The following NYAP2 variants were observed in gnomAD, a reference collection of about 807,000 sequenced individuals.
NYAP2 encodes the protein neuronal tyrosine-phosphorylated phosphoinositide-3-kinase adaptor 2, also known as neuronal tyrosine-phosphorylated phosphoinositide-3-kinase adapter 2.
Under a neutral mutation model 50.4 loss-of-function variants are expected in NYAP2, and 23 were observed. That is an observed-to-expected ratio of 0.46 (90% CI 0.33 to 0.65). The LOEUF (loss-of-function observed/expected upper bound fraction) is 0.65, where lower values mean the gene tolerates loss of function less well. Ranked by LOEUF, NYAP2 falls within the 30% of genes least tolerant of loss-of-function variation. The probability of loss-of-function intolerance (pLI) is 0.02; values close to 1 mark genes in which losing one functional copy is unlikely to be tolerated. For synonymous variants in NYAP2, 394 were observed against 365.2 expected, an observed-to-expected ratio of 1.08 and a Z score of -0.90; for missense variants, 885 against 861.0, an observed-to-expected ratio of 1.03 and a Z score of -0.35.
intron 3 of NYAP2, among the ~76,000 whole-genome samples, chr2:225,420,727 C>T (rs1298421080): frequency 6.6e-6 from 1 of 151,892 alleles, no homozygotes; most frequent in Admixed American, 6.6e-5. Context: ...TCTCCCACCT[C>T]AGCCTCTGGA....
At chr2:225,613,747 A>G (rs1046240094) in intron 5 of NYAP2, among the ~76,000 whole-genome samples, 3 of 152,270 alleles carry the variant, frequency 2.0e-5, no homozygotes, top group East Asian at 3.9e-4. Context: ...ATAGGCAGGG[A>G]AAAACATTAA....
chr2:225,682,900 T>A, the NYAP2 span, among the ~76,000 whole-genome samples: 14 of 152,138 alleles, frequency 9.2e-5, no homozygotes, highest in Non-Finnish European at 1.5e-5. Flanking sequence ...CAGATGAAGT[T>A]ATGTAGACTT....
At chr2:225,525,692 A>G (rs1159226628) in intron 4 of NYAP2, among the ~76,000 whole-genome samples, 1 of 152,146 alleles carries the variant, frequency 6.6e-6, no homozygotes, top group Non-Finnish European at 1.5e-5. Context: ...TATTTGAATG[A>G]TGGGTACAAC....
chr2:225,600,249 A>C (rs970582435), intron 5 of NYAP2, among the ~76,000 whole-genome samples: 1 of 150,796 alleles, frequency 6.6e-6, no homozygotes, highest in East Asian at 1.9e-4. Flanking sequence ...CCACAAGATC[A>C]AATGAGCCAG....
chr2:225,667,931 A>G, the NYAP2 span, among the ~76,000 whole-genome samples: 31 of 152,186 alleles, frequency 2.0e-4, no homozygotes, highest in Non-Finnish European at 4.3e-4. Context: ...CCTAAGACCG[A>G]GTGTATTCTT....
At chr2:225,552,276 G>T (rs762489372) in intron 4 of NYAP2, among the ~76,000 whole-genome samples, 4 of 152,090 alleles carry the variant, frequency 2.6e-5, no homozygotes, top group Admixed American at 6.5e-5. Flanking sequence ...CTTGCCACTT[G>T]AACACATAGA....
intron 4 of NYAP2, among the ~76,000 whole-genome samples, chr2:225,549,988 A>AAAAT (rs893753051): frequency 1.9e-4 from 29 of 152,084 alleles, no homozygotes; most frequent in South Asian, 6.2e-4. Context: ...CTGTCTCAAA[A>AAAAT]AAATAAATAA....
chr2:225,664,699 C>T, the NYAP2 span, among the ~76,000 whole-genome samples: 2 of 146,006 alleles, frequency 1.4e-5, no homozygotes, highest in African/African-American at 4.9e-5. Flanking sequence ...ATGGTGAAAC[C>T]CCGTCTCTAC....
intron 5 of NYAP2, among the ~76,000 whole-genome samples, chr2:225,622,003 C>A (rs1693112408): frequency 6.6e-6 from 1 of 152,146 alleles, no homozygotes; most frequent in South Asian, 2.1e-4. Flanking sequence ...CTTGGATGTA[C>A]AAATACCTGT....
chr2:225,536,267 A>G (rs543356228), intron 4 of NYAP2, among the ~76,000 whole-genome samples: 4 of 152,272 alleles, frequency 2.6e-5, no homozygotes, highest in Non-Finnish European at 5.9e-5. Context: ...GCGCTACCAC[A>G]TGGTAGGCAG....
chr2:225,675,292 C>T, the NYAP2 span, among the ~76,000 whole-genome samples: 1 of 152,146 alleles, frequency 6.6e-6, no homozygotes, highest in South Asian at 2.1e-4. Context: ...ACACCCCCAC[C>T]TCCCTCCCTT....
rs144908938 is a variant in NYAP2 at position 225,490,307 on chromosome 2, T to C, written c.222-23064T>C. 1.3e-3 allele frequency among the ~76,000 whole-genome samples: 202 copies of C among 152,296 alleles called. 1 individual carries two copies. Among genetic ancestry groups the C allele is most frequent in the African/African-American group, 4.5e-3 (188 of 41,574 alleles). ...CAATATTGTCCCAAAGGTATTCCTTTGATTACTTACAACATAAAGACTCTT... is the reference window on the plus strand; with the variant it reads ...CAATATTGTCCCAAAGGTATTCCTTCGATTACTTACAACATAAAGACTCTT... On this transcript the variant is annotated intron_variant, in intron 3 of 6. Transcript: ENST00000636099.
chr2:225,613,013 A>G (rs1044887247), intron 5 of NYAP2, among the ~76,000 whole-genome samples: 1 of 152,152 alleles, frequency 6.6e-6, no homozygotes, highest in Non-Finnish European at 1.5e-5. Flanking sequence ...CTCCAGAGGG[A>G]CAGAACTAGT....
chr2:225,569,440 G>C (rs910354248), intron 4 of NYAP2, among the ~76,000 whole-genome samples: 3 of 144,638 alleles, frequency 2.1e-5, no homozygotes, highest in Non-Finnish European at 2.9e-5. Flanking sequence ...GAGGAGTGAG[G>C]GGGGGAGGTG....
chr2:225,458,286 G>A (rs1384993816), intron 3 of NYAP2, among the ~76,000 whole-genome samples: 4 of 152,138 alleles, frequency 2.6e-5, no homozygotes, highest in African/African-American at 9.7e-5. Flanking sequence ...GGGAGGTTGA[G>A]GCTGAAGTGA....
chr2:225,447,572 T>C (rs1689582702), intron 3 of NYAP2, among the ~76,000 whole-genome samples: 1 of 152,180 alleles, frequency 6.6e-6, no homozygotes. Flanking sequence ...ATAAGAATAA[T>C]GTTGAGTACA....
rs771754012 is a variant in NYAP2 at position 225,582,249 on chromosome 2, G to A, written c.832G>A (p.Asp278Asn). 3 of 1,613,886 alleles carry A rather than the reference G, an allele frequency of 1.9e-6. No individual in the cohort carries two copies. The highest frequency in any genetic ancestry group is 1.7e-6 in the Non-Finnish European group (2 of 1,179,898). The stretch of plus-strand genomic sequence containing the variant: ...GGAAATGAAGTACCCTATCTTTGAC[G>A]ACTTGGGCCAAGACGCCAAATGTGA... The change falls in exon 5 of 7, where the codon GAC (aspartate) becomes AAC (asparagine). Residue 278 changes from aspartate (D) to asparagine (N), a missense_variant. By Grantham distance (23) the Asp-to-Asn change is conservative. Coordinates refer to ENST00000636099, the Ensembl canonical transcript of NYAP2. This position sits in a 1 kb window ranked among gnomAD's most constrained non-coding sequence, Gnocchi z 7.0.
At chr2:225,635,029 G>A (rs1020749661) in intron 6 of NYAP2, among the ~76,000 whole-genome samples, 13 of 152,216 alleles carry the variant, frequency 8.5e-5, no homozygotes, top group Middle Eastern at 3.4e-3. Context: ...CATATTTCCC[G>A]TACTTTACTT....
the NYAP2 span, among the ~76,000 whole-genome samples, chr2:225,691,614 A>G: frequency 6.6e-6 from 1 of 152,102 alleles, no homozygotes; most frequent in African/African-American, 2.4e-5. Context: ...ACATGGGAGA[A>G]GAAGAACATT....
Sources: gnomAD v4.1 joint callset for allele counts (sites outside exome capture counted in the v4.1 genomes callset) on GRCh38, gnomAD v4.1.1 for gene constraint, Gnocchi (gnomAD v3.1) non-coding constraint, MANE v1.5 for transcripts, NCBI Gene and HGNC (gene_info 2026-07-23, HGNC 2026-07-21) for gene names.